Variants in CR1L observed in about 807,000 individuals in gnomAD.
CR1L encodes the protein complement C3b/C4b receptor 1 like, also known as complement component receptor 1-like protein.
A neutral mutation model predicts 62.3 loss-of-function variants in CR1L; 59 were observed. That is an observed-to-expected ratio of 0.95 (90% CI 0.77 to 1.18). The LOEUF (loss-of-function observed/expected upper bound fraction) is 1.18, where lower values mean the gene tolerates loss of function less well. Among genes scored for constraint, CR1L ranks in the 50% most tolerant of loss-of-function variants. The probability of loss-of-function intolerance (pLI) is 0.00; values close to 1 mark genes in which losing one functional copy is unlikely to be tolerated. For synonymous variants in CR1L, 279 were observed against 248.7 expected (o/e 1.12, Z -1.15); for missense variants, 700 against 702.8 (o/e 1.00, Z 0.04).
At chr1:207,693,014 AT>A (rs1558020364) in intron 4 of CR1L, among the ~76,000 whole-genome samples, 1 of 151,824 alleles carries the variant, frequency 6.6e-6, no homozygotes, top group Non-Finnish European at 1.5e-5. Context: ...TTCTTTAAAC[AT>A]TTTTCTAATT....
rs1193460088 is a variant in CR1L at position 207,694,494 on chromosome 1, A to G, written c.605A>G (p.Glu202Gly). The change falls in exon 5 of 12, where the codon GAG (glutamate) becomes GGG (glycine). Residue 202 changes from glutamate to glycine, a missense_variant. By Grantham distance (98) the Glu-to-Gly change is moderately conservative. Transcript: ENST00000508064. ...RGKKVFELVG[E>G]PSIYCTSKDD... The stretch of plus-strand genomic sequence containing the variant: ...AAAAAGGTGTTTGAGCTTGTGGGTG[A>G]GCCCTCCATATACTGCACCAGCAAA... 1 of 1,613,770 alleles carries G rather than the reference A, an allele frequency of 6.2e-7. No homozygotes were observed. Among genetic ancestry groups the G allele is most frequent in the African/African-American group, 1.3e-5 (1 of 74,936 alleles).
At chr1:207,647,109 C>T (rs995723695) in intron 1 of CR1L, among the ~76,000 whole-genome samples, 1 of 152,202 alleles carries the variant, frequency 6.6e-6, no homozygotes, top group African/African-American at 2.4e-5. Context: ...AGGCAATCAA[C>T]AGATGTTTGC....
intron 1 of CR1L, 95 bp from the exon 2 acceptor site, chr1:207,677,294 G>A: frequency 8.6e-7 from 1 of 1,159,704 alleles, no homozygotes; most frequent in Non-Finnish European, 1.1e-6. Flanking sequence ...GGTGACAGAG[G>A]GAGACTCTGT....
intron 1 of CR1L, chr1:207,657,035 A>G: frequency 1.7e-6 from 1 of 580,332 alleles, no homozygotes; most frequent in Non-Finnish European, 3.1e-6. Context: ...TAGAAACCCT[A>G]TATTGACAAA....
chr1:207,677,977 G>A (rs1392831200), intron 2 of CR1L, among the ~76,000 whole-genome samples: 1 of 152,176 alleles, frequency 6.6e-6, no homozygotes, highest in African/African-American at 2.4e-5. Flanking sequence ...ATTTTTCTGG[G>A]AGGCATAATA....
At chr1:207,645,374 G>A (rs11118237) in intron 1 of CR1L, 44 bp downstream of exon 1, 618,330 of 1,600,054 alleles carry the variant, frequency 0.39, 122,499 homozygotes, top group Non-Finnish European at 0.41. Context: ...CGAGGCTAGA[G>A]CTCTGCTCAG....
intron 1 of CR1L, among the ~76,000 whole-genome samples, chr1:207,671,169 G>A (rs1663610135): frequency 6.6e-6 from 1 of 150,918 alleles, no homozygotes; most frequent in Admixed American, 6.6e-5. Context: ...CTGACATCCT[G>A]ATTTCTGAGA....
intron 1 of CR1L, among the ~76,000 whole-genome samples, chr1:207,648,167 G>A (rs1015273917): frequency 8.3e-6 from 1 of 119,844 alleles, no homozygotes; most frequent in African/African-American, 3.2e-5. Flanking sequence ...AGTGAGACCC[G>A]GTCTCAAACA....
intron 4 of CR1L, among the ~76,000 whole-genome samples, chr1:207,688,794 T>C (rs1663951816): frequency 6.6e-6 from 1 of 152,166 alleles, no homozygotes; most frequent in South Asian, 2.1e-4. Context: ...ATGTACATCT[T>C]TCATTATCTT....
chr1:207,695,586 C>T (rs1308753249), intron 5 of CR1L, among the ~76,000 whole-genome samples: 1 of 152,174 alleles, frequency 6.6e-6, no homozygotes, highest in Non-Finnish European at 1.5e-5. Context: ...ACTCTAGATA[C>T]TTTCAAGGAG....
intron 1 of CR1L, among the ~76,000 whole-genome samples, chr1:207,666,690 G>A (rs1380715575): frequency 2.0e-5 from 3 of 152,154 alleles, no homozygotes; most frequent in African/African-American, 7.2e-5. Context: ...AACACATACT[G>A]GGATCTATTG....
chr1:207,699,138 G>A, intron 7 of CR1L, 51 bp from the exon 8 acceptor site: 1 of 1,610,718 alleles, frequency 6.2e-7, no homozygotes, highest in Non-Finnish European at 8.5e-7. Flanking sequence ...TGTGAACTAA[G>A]TGTCCTCTTG....
chr1:207,669,462 G>C, intron 1 of CR1L: 1 of 1,489,060 alleles, frequency 6.7e-7, no homozygotes. Flanking sequence ...TCTCTTCTCC[G>C]AGAAGCCGGG....
At position 207,681,128 on chromosome 1, in the gene CR1L, C is replaced by T. The variant is rs183088178; in HGVS notation, c.378-2744C>T. On this transcript the variant is annotated intron_variant, in intron 3 of 11. Coordinates refer to ENST00000508064, the MANE Select transcript of CR1L (RefSeq NM_175710.2). ...TTTTTTATTCTCATTTTTTCCTAAC[C>T]CAACCACCTGGTTCAAGGCACATAG... is the stretch of plus-strand genomic sequence containing the variant. Among the ~76,000 whole-genome samples, 263 of 152,192 alleles carry T rather than the reference C, an allele frequency of 1.7e-3. 2 individuals are homozygous for T. The highest frequency in any genetic ancestry group is 4.3e-3 in the African/African-American group (178 of 41,532).
At position 207,690,822 on chromosome 1, in the gene CR1L, G is replaced by A. The variant is rs187011843; in HGVS notation, c.464-3531G>A. On this transcript the variant is annotated intron_variant, in intron 4 of 11. Coordinates refer to ENST00000508064, the MANE Select transcript of CR1L (RefSeq NM_175710.2). ...CCTTGGCTTGTAGATGCATCATTTC[G>A]TTTTCCGCCTCCATCTTCAAGTCGC... is the stretch of plus-strand genomic sequence containing the variant. 4.3e-4 allele frequency among the ~76,000 whole-genome samples: 65 copies of A among 152,250 alleles called. 1 individual carries two copies. In the South Asian group the frequency reaches 9.9e-3, roughly 23 times the overall value.
At chr1:207,706,013 G>GTATATATATATATATATATATATA (rs139294447) in intron 9 of CR1L, among the ~76,000 whole-genome samples, 4 of 133,572 alleles carry the variant, frequency 3.0e-5, no homozygotes, top group Non-Finnish European at 4.9e-5. Context: ...GTGTGTGTAT[G>GTATATATATATATATATATATATA]TATATATATA....
At chr1:207,663,040 T>C (rs938036865) in intron 1 of CR1L, among the ~76,000 whole-genome samples, 7 of 152,130 alleles carry the variant, frequency 4.6e-5, no homozygotes, top group African/African-American at 1.7e-4. Context: ...CTGTGTGAGG[T>C]GTCAGTCCGC....
At chr1:207,672,443 C>T (rs1024569058) in intron 1 of CR1L, among the ~76,000 whole-genome samples, 1 of 143,276 alleles carries the variant, frequency 7.0e-6, no homozygotes, top group Non-Finnish European at 1.5e-5. Flanking sequence ...GAGACTTCAG[C>T]ACCTTTATCT....
At chr1:207,683,762 G>A (rs1663845265) in intron 3 of CR1L, 110 bp from the exon 4 acceptor site, 16 of 1,018,988 alleles carry the variant, frequency 1.6e-5, no homozygotes, top group Non-Finnish European at 1.8e-5. Flanking sequence ...TTTGACAAGT[G>A]GAAAATGTCC....
Sources: gnomAD v4.1 joint callset for allele counts (sites outside exome capture counted in the v4.1 genomes callset) on GRCh38, gnomAD v4.1.1 for gene constraint, MANE v1.5 for transcripts, NCBI Gene and HGNC (gene_info 2026-07-23, HGNC 2026-07-21) for gene names.